The following MST1R variants were observed in gnomAD, a reference collection of about 807,000 sequenced individuals.
The protein encoded by MST1R is macrophage stimulating 1 receptor.
In MST1R, 99 loss-of-function variants were observed where a neutral mutation model predicts 117.8. That is an observed-to-expected ratio of 0.84 (90% CI 0.71 to 0.99). The LOEUF (loss-of-function observed/expected upper bound fraction) is 0.99, where lower values mean the gene tolerates loss of function less well. MST1R is among the 50% of genes least tolerant of loss of function. MST1R has a pLI of 0.00. For missense variants in MST1R, 1,683 were observed against 1,840.2 expected (o/e 0.91, Z 1.56); for synonymous variants, 734 against 765.3 (o/e 0.96, Z 0.68).
rs761033628 is a variant in MST1R, at chr3:49,896,244, C to G, written c.2600G>C (p.Ser867Thr). 5.6e-6 allele frequency: 9 copies of G among 1,614,156 alleles called. No individual in the cohort carries two copies. Among genetic ancestry groups the G allele is most frequent in the Non-Finnish European group, 7.6e-6 (9 of 1,180,014 alleles). Reference sequence around the variant, plus strand: ...AGGCTTCAGTGGAACTAGGTTGGCACTGGGTGGATGGGGTGGGGGTAGGAA... The same window carrying G: ...AGGCTTCAGTGGAACTAGGTTGGCAGTGGGTGGATGGGGTGGGGGTAGGAA... ...FRFLPPPHPP[S>T]ANLVPLKPEE... is the part of the protein sequence containing the mutation. The change falls in exon 10 of 20, where the codon AGT becomes ACT. Residue 867 changes from serine (S) to threonine (T), a missense_variant. Ser to Thr is a moderately conservative substitution (Grantham distance 58). Coordinates refer to ENST00000296474, the MANE Select transcript of MST1R (RefSeq NM_002447.4).
At chr3:49,892,756 C>T (rs1262782025) in intron 14 of MST1R, among the ~76,000 whole-genome samples, 3 of 151,320 alleles carry the variant, frequency 2.0e-5, no homozygotes, top group Non-Finnish European at 4.4e-5. Flanking sequence ...GGGTTCAAGA[C>T]CAGTCTGGCC....
chr3:49,896,836 A>C lies in MST1R; in HGVS notation c.2238T>G (p.Ser746Arg). ...CCCCCACCTGCAGGCTAAGGGGGAC[A>C]CTGGCCACCGTGGCCCCAGGGGGTG... ...CATPPGATVA[S>R]VPLSLQVGGA... Residue 746 changes from serine to arginine, a missense_variant, in exon 8 of 20, where the codon AGT becomes AGG. By Grantham distance (110) the Ser-to-Arg change is moderately radical. Coordinates refer to ENST00000296474, the MANE Select transcript of MST1R (RefSeq NM_002447.4). 2 of 1,555,748 alleles carry C rather than the reference A, an allele frequency of 1.3e-6. No individual in the cohort carries two copies. The highest frequency in any genetic ancestry group is 1.7e-6 in the Non-Finnish European group (2 of 1,148,900).
intron 1 of MST1R, among the ~76,000 whole-genome samples, chr3:49,901,983 T>G (rs1356010531): frequency 1.3e-5 from 2 of 151,730 alleles, no homozygotes; most frequent in African/African-American, 4.8e-5. Flanking sequence ...TTTTTCTGCG[T>G]GTGTCCCTGA....
rs1459731067 is a variant in MST1R, at chr3:49,891,786, T to C, written c.3324A>G (p.Arg1108=). Residue 1108 remains arginine (R), a synonymous_variant, in exon 15 of 20, where the codon CGA becomes CGG. Coordinates refer to ENST00000296474, the MANE Select transcript of MST1R (RefSeq NM_002447.4). ...HGEYIDQAQN[R]IQCAIKSLSR... is the part of the protein sequence containing the mutation. ...TTAGTGACTTGATGGCACATTGGAT[T>C]CGATTCTGGGCCTGGTCTATGTATT... 9 of 1,614,118 alleles carry C rather than the reference T, an allele frequency of 5.6e-6. No homozygotes were observed. The highest frequency in any genetic ancestry group is 7.6e-6 in the Non-Finnish European group (9 of 1,180,040).
Position 49,899,257 on chromosome 3 carries a change from G to C in MST1R, c.1237C>G (p.Leu413Val). 6.2e-7 allele frequency: 1 copy of C among 1,613,968 alleles called. No homozygotes were observed. Among genetic ancestry groups the C allele is most frequent in the East Asian group, 2.2e-5 (1 of 44,878 alleles). ...SPSFCPNPPG[L>V]EALSPNTSCR... is the part of the protein sequence containing the mutation. ...CTGGTGTTGGGGCTGAGGGCTTCCA[G>C]GCCAGGCTGGGAAAGGTCAGGGAAG... Residue 413 changes from leucine to valine, a missense_variant, in exon 2 of 20, where the codon CTG (leucine) becomes GTG (valine). Leu to Val is a conservative substitution (Grantham distance 32). Coordinates refer to ENST00000296474, the MANE Select transcript of MST1R (RefSeq NM_002447.4).
At position 49,897,548 on chromosome 3, in the gene MST1R, G is replaced by C. The variant is rs1470977600; in HGVS notation, c.2018C>G (p.Thr673Ser). The C allele has an allele frequency of 6.2e-7, 1 of 1,613,884 alleles. No homozygotes were observed. Among genetic ancestry groups the C allele is most frequent in the Non-Finnish European group, 8.5e-7 (1 of 1,179,988 alleles). The change falls in exon 6 of 20, where the codon ACC becomes AGC. Residue 673 changes from threonine (T) to serine (S), a missense_variant. By Grantham distance (58) the Thr-to-Ser change is moderately conservative (BLOSUM62 1). Transcript: ENST00000296474. Reference sequence around the variant, plus strand: ...GAAAGAGAAGCCTCTCAGCACGGAGGTGCCGTCTACCCGGAAGTGCTTGCC... The same window carrying C: ...GAAAGAGAAGCCTCTCAGCACGGAGCTGCCGTCTACCCGGAAGTGCTTGCC... ...PPGKHFRVDG[T>S]SVLRGFSFME...
chr3:49,896,536 T>C lies in MST1R; in HGVS notation c.2439+4A>G. ...TTCCTCCCTCCTGGCCAGCACTCAC[T>C]CACCCTGCTTTCCACTGCCCTAAGC... On this transcript the variant is annotated splice_donor_region_variant and intron_variant, in intron 9 of 19. Coordinates refer to ENST00000296474, the MANE Select transcript of MST1R (RefSeq NM_002447.4). 6.2e-7 allele frequency: 1 copy of C among 1,614,104 alleles called. No homozygotes were observed. The highest frequency in any genetic ancestry group is 1.3e-5 in the African/African-American group (1 of 75,054).
Position 49,895,360 on chromosome 3 carries a change from A to G in MST1R, c.3078T>C (p.Ile1026=). 2 of 1,614,232 alleles carry G rather than the reference A, an allele frequency of 1.2e-6. No homozygotes were observed. The highest frequency in any genetic ancestry group is 8.5e-7 in the Non-Finnish European group (1 of 1,180,052). The part of the protein sequence containing the change: ...DYRSGLALPA[I]DGLDSTTCVH... ...CACAAGTGGTGGAATCCAGACCATCAATGGCAGGGAGTGCTGTGGGGAGAG... is the reference window on the plus strand; with the variant it reads ...CACAAGTGGTGGAATCCAGACCATCGATGGCAGGGAGTGCTGTGGGGAGAG... The change falls in exon 14 of 20, where the codon ATT becomes ATC. Residue 1026 remains isoleucine (I), a synonymous_variant. Transcript: ENST00000296474.
chr3:49,890,421 T>G (rs960486986), intron 18 of MST1R, 64 bp downstream of exon 18: 2 of 1,535,500 alleles, frequency 1.3e-6, no homozygotes, highest in Non-Finnish European at 1.8e-6. Context: ...CAGAGCTGAA[T>G]GGGTGAGGCC....
Position 49,898,989 on chromosome 3 carries a change from G to T in MST1R, c.1426C>A (p.Leu476Met), listed in dbSNP as rs748665458. Residue 476 changes from leucine (L) to methionine (M), a missense_variant, in exon 3 of 20, where the codon CTG becomes ATG. Transcript: ENST00000296474. ...AGCAAGTAGTTTAGTGACCTGACCA[G>T]CTCCACCTAGGACAGGTCAGATGTG... is the stretch of plus-strand genomic sequence containing the variant. ...TMDGRILQVELVRSLNYLLYV... is the reference protein window; with the variant it reads ...TMDGRILQVEMVRSLNYLLYV... 2 of 1,614,094 alleles carry T rather than the reference G, an allele frequency of 1.2e-6. No individual in the cohort carries two copies. The highest frequency in any genetic ancestry group is 2.7e-5 in the African/African-American group (2 of 74,942).
rs1047942567 is a variant in MST1R, at chr3:49,895,852, A to C, written c.2825T>G (p.Leu942Arg). 5.0e-6 allele frequency: 8 copies of C among 1,611,262 alleles called. No individual in the cohort carries two copies. The highest frequency in any genetic ancestry group is 4.2e-6 in the Non-Finnish European group (5 of 1,178,566). ...TGGCCCTGGCCGCACCACTCTACCC[A>C]GGATATGACATTCACCATCTACGCA... Reference protein sequence around the residue: ...QVCVDGECHILGRVVRPGPDG... With the variant: ...QVCVDGECHIRGRVVRPGPDG... The change falls in exon 12 of 20, where the codon CTG (leucine) becomes CGG (arginine). Residue 942 changes from leucine (L) to arginine (R), a missense_variant. Leu to Arg is a moderately radical substitution (Grantham distance 102). Transcript: ENST00000296474.
Position 49,887,510 on chromosome 3 carries a change from A to G in MST1R, c.4000T>C (p.Phe1334Leu). 1 of 1,614,172 alleles carries G rather than the reference A, an allele frequency of 6.2e-7. No individual in the cohort carries two copies. Among genetic ancestry groups the G allele is most frequent in the Admixed American group, 1.7e-5 (1 of 60,026 alleles). Residue 1334 changes from phenylalanine to leucine, a missense_variant, in exon 20 of 20, where the codon TTC (phenylalanine) becomes CTC (leucine). Physicochemically the swap from Phe to Leu is conservative, Grantham distance 22 (BLOSUM62 0). Transcript: ENST00000296474. Reference protein sequence around the residue: ...WEADPAVRPTFRVLVGEVEQI... With the variant: ...WEADPAVRPTLRVLVGEVEQI... ...TCCACCTCCCCCACTAGTACTCTGAAGGTGGGTCGCACTGCTGGGTCTGCC... is the reference window on the plus strand; with the variant it reads ...TCCACCTCCCCCACTAGTACTCTGAGGGTGGGTCGCACTGCTGGGTCTGCC...
chr3:49,893,446 A>G (rs1451213398), intron 14 of MST1R, among the ~76,000 whole-genome samples: 7 of 151,810 alleles, frequency 4.6e-5, no homozygotes, highest in Admixed American at 2.6e-4. Context: ...TCTACTAAAA[A>G]TACAAAAATT....
Position 49,897,303 on chromosome 3 carries a change from A to G in MST1R, c.2160T>C (p.Asn720=). ...ACCGTGCTAGCAGACACTCAGTCCC[A>G]TTGACCAGCACAGCCCGGCTGGTGC... The part of the protein sequence containing the change: ...SVGTSRAVLV[N]GTECLLARVS... The change falls in exon 7 of 20, where the codon AAT becomes AAC. Residue 720 remains asparagine (N), a synonymous_variant. Transcript: ENST00000296474. 1.9e-6 allele frequency: 3 copies of G among 1,612,184 alleles called. No individual in the cohort carries two copies. Among genetic ancestry groups the G allele is most frequent in the East Asian group, 4.5e-5 (2 of 44,876 alleles).
chr3:49,902,205 T>C (rs2082701642), intron 1 of MST1R, among the ~76,000 whole-genome samples, 175 bp downstream of exon 1: 1 of 152,080 alleles, frequency 6.6e-6, no homozygotes, highest in Non-Finnish European at 1.5e-5. Flanking sequence ...AGTGTAGCCT[T>C]TGTCTGGCTG....
chr3:49,903,683 C>G lies in MST1R; in HGVS notation c.-74G>C. On this transcript the variant is annotated 5_prime_UTR_variant, in exon 1 of 20. Transcript: ENST00000296474. The stretch of plus-strand genomic sequence containing the variant: ...CTGGGCGTGGGCCTGGCTGGGGGCC[C>G]GACTCGAGGTCTGGACTGGGCCAAA... 6.6e-7 allele frequency: 1 copy of G among 1,504,114 alleles called. No homozygotes were observed. Among genetic ancestry groups the G allele is most frequent in the Non-Finnish European group, 8.8e-7 (1 of 1,135,720 alleles). 93.2% of individuals were successfully genotyped at this position (1,504,114 alleles called of 1,614,324 possible).
At chr3:49,894,711 C>G (rs1203484904) in intron 14 of MST1R, among the ~76,000 whole-genome samples, 2 of 152,102 alleles carry the variant, frequency 1.3e-5, no homozygotes, top group Non-Finnish European at 2.9e-5. Context: ...TACAGATGAG[C>G]AAATGGAGGC....
rs1226874518 is a variant in MST1R, at chr3:49,902,449, T to G, written c.1161A>C (p.Glu387Asp). Reference sequence around the variant, plus strand: ...GCCGGAGGCCTGGATGGACTGGGGATTCACAACAGCGCTCCACACCCTCAT... The same window carrying G: ...GCCGGAGGCCTGGATGGACTGGGGAGTCACAACAGCGCTCCACACCCTCAT... ...LIDEGVERCC[E>D]SPVHPGLRRG... The change falls in exon 1 of 20, where the codon GAA becomes GAC. Residue 387 changes from glutamate to aspartate, a missense_variant. Transcript: ENST00000296474. The G allele has an allele frequency of 3.7e-6, 6 of 1,614,130 alleles. No homozygotes were observed. Among genetic ancestry groups the G allele is most frequent in the Non-Finnish European group, 5.1e-6 (6 of 1,180,036 alleles).
At position 49,902,963 on chromosome 3, in the gene MST1R, A is replaced by T; in HGVS notation, c.647T>A (p.Val216Glu). 6.2e-7 allele frequency: 1 copy of T among 1,613,172 alleles called. No homozygotes were observed. ...GTCAGCCTTGAGACGCCTGATAGAC[A>T]CTGAGCGTGGGCTGAAGCTGGCAGC... ...AVAASFSPRSVSIRRLKADAS... is the reference protein window; with the variant it reads ...AVAASFSPRSESIRRLKADAS... Residue 216 changes from valine to glutamate, a missense_variant, in exon 1 of 20, where the codon GTG (valine) becomes GAG (glutamate). Transcript: ENST00000296474.
Sources: gnomAD v4.1 joint callset for allele counts (sites outside exome capture counted in the v4.1 genomes callset) on GRCh38, gnomAD v4.1.1 for gene constraint, MANE v1.5 for transcripts, NCBI Gene and HGNC (gene_info 2026-07-23, HGNC 2026-07-21) for gene names.